ZFAND2A: variants seen among roughly 807,000 people sequenced by gnomAD.
ZFAND2A encodes zinc finger AN1-type containing 2A.
Under a neutral mutation model 11.6 loss-of-function variants are expected in ZFAND2A, and 20 were observed. That is an observed-to-expected ratio of 1.72 (90% CI 1.21 to 2.50). The LOEUF is 2.50. Ranked by LOEUF, ZFAND2A falls within the 30% of genes most tolerant of loss-of-function variation. ZFAND2A has a pLI of 0.00. For missense variants in ZFAND2A, 234 were observed against 182.9 expected (o/e 1.28, Z -1.61); for synonymous variants, 93 against 60.6 (o/e 1.54, Z -2.48).
rs1449265947 is a variant in ZFAND2A at position 1,158,253 on chromosome 7, G to A, written c.-41C>T. ...CAAAACGCAGATGGCGGAGTTAAGTGTCACCTACAAGAGAATCAGAATAGT... is the reference window on the plus strand; with the variant it reads ...CAAAACGCAGATGGCGGAGTTAAGTATCACCTACAAGAGAATCAGAATAGT... On this transcript the variant is annotated 5_prime_UTR_variant, in exon 2 of 5. Coordinates refer to ENST00000316495, the MANE Select transcript of ZFAND2A (RefSeq NM_182491.4). 1.9e-6 allele frequency: 3 copies of A among 1,587,150 alleles called. No individual in the cohort carries two copies. The highest frequency in any genetic ancestry group is 1.7e-5 in the Admixed American group (1 of 59,588).
At chr7:1,159,482 C>A (rs980548775) in intron 1 of ZFAND2A, among the ~76,000 whole-genome samples, 1 of 147,558 alleles carries the variant, frequency 6.8e-6, no homozygotes, top group African/African-American at 2.5e-5. Flanking sequence ...GGACCCCCAG[C>A]AGCCAGACCC....
At chr7:1,155,995 G>C (rs1267735618) in intron 3 of ZFAND2A, among the ~76,000 whole-genome samples, 1 of 152,224 alleles carries the variant, frequency 6.6e-6, no homozygotes, top group Non-Finnish European at 1.5e-5. Flanking sequence ...TGGCTTCTAC[G>C]TACACAGAGA....
chr7:1,159,097 CTA>C (rs1333165303), intron 1 of ZFAND2A, among the ~76,000 whole-genome samples: 3 of 151,906 alleles, frequency 2.0e-5, no homozygotes, highest in South Asian at 2.1e-4. Flanking sequence ...CCAGTTCCCT[CTA>C]TGTTACACGC....
At position 1,155,584 on chromosome 7, in the gene ZFAND2A, C is replaced by A. The variant is rs1211220393; in HGVS notation, c.151G>T (p.Asp51Tyr). Residue 51 changes from aspartate (D) to tyrosine (Y), a missense_variant and splice_region_variant, in exon 4 of 5, where the codon GAT becomes TAT. Coordinates refer to ENST00000316495, the MANE Select transcript of ZFAND2A (RefSeq NM_182491.4). ...AHKCPFAFQK[D>Y]VHVPVCPLCN... ...AGTGGGCATACTGGGACGTGAACAT[C>A]CTAAAAATAACAAAGGTAAGATGGC... The A allele has an allele frequency of 6.2e-7, 1 of 1,610,058 alleles. No individual in the cohort carries two copies. Among genetic ancestry groups the A allele is most frequent in the Non-Finnish European group, 8.5e-7 (1 of 1,178,556 alleles).
intron 4 of ZFAND2A, among the ~76,000 whole-genome samples, chr7:1,154,047 A>C (rs557283357): frequency 1.3e-5 from 2 of 152,242 alleles, no homozygotes; most frequent in South Asian, 4.1e-4. Context: ...GCAGCCAGGA[A>C]GCAGGGAGCG....
intron 1 of ZFAND2A, among the ~76,000 whole-genome samples, chr7:1,159,549 C>A (rs546793156): frequency 2.1e-5 from 2 of 96,964 alleles, no homozygotes; most frequent in Non-Finnish European, 4.3e-5. Context: ...CCCCGGCAGG[C>A]CCGGTCCCCA....
downstream of ZFAND2A, among the ~76,000 whole-genome samples, chr7:1,149,187 T>C (rs1265655133): frequency 6.6e-6 from 1 of 152,200 alleles, no homozygotes; most frequent in African/African-American, 2.4e-5. Context: ...GAACACCTGA[T>C]CTGCAGATTC....
chr7:1,150,137 CAA>C (rs901490357), downstream of ZFAND2A, among the ~76,000 whole-genome samples: 1 of 151,200 alleles, frequency 6.6e-6, no homozygotes, highest in Non-Finnish European at 1.5e-5. Flanking sequence ...AAAATAAAAG[CAA>C]AAAAGTTTGT....
chr7:1,153,542 T>TA (rs1554344784), intron 4 of ZFAND2A, among the ~76,000 whole-genome samples: 16 of 152,094 alleles, frequency 1.1e-4, no homozygotes, highest in Non-Finnish European at 2.4e-4. Flanking sequence ...GTGCTGGCCT[T>TA]AAATTCTTTA....
At chr7:1,153,366 G>A in intron 4 of ZFAND2A, 142 bp from the exon 5 acceptor site, 1 of 863,054 alleles carries the variant, frequency 1.2e-6, no homozygotes, top group South Asian at 1.7e-5. Flanking sequence ...TCCTGCTTCA[G>A]CCTAGTACCT....
At chr7:1,150,147 T>G (rs1479418114), downstream of ZFAND2A, among the ~76,000 whole-genome samples, 1 of 151,158 alleles carries the variant, frequency 6.6e-6, no homozygotes, top group African/African-American at 2.4e-5. Flanking sequence ...CAAAAAAGTT[T>G]GTCAGATTAA....
intron 3 of ZFAND2A, chr7:1,157,172 G>T (rs988242772): frequency 6.6e-5 from 10 of 152,374 alleles, no homozygotes; most frequent in African/African-American, 2.4e-4. Flanking sequence ...TCCTCTTTCA[G>T]TTTCTGCTGT....
At chr7:1,149,682 G>C (rs150523372), downstream of ZFAND2A, among the ~76,000 whole-genome samples, 227 of 152,308 alleles carry the variant, frequency 1.5e-3, 1 homozygote, top group African/African-American at 4.9e-3. Flanking sequence ...ATAGCCTGTG[G>C]CTCCCAGGCT....
chr7:1,158,095 C>T (rs1490347595), intron 2 of ZFAND2A, 63 bp downstream of exon 2: 2 of 1,506,176 alleles, frequency 1.3e-6, no homozygotes, highest in African/African-American at 1.4e-5. Context: ...AGCTAATTAA[C>T]AGAACAGCCA....
intron 2 of ZFAND2A, 47 bp downstream of exon 2, chr7:1,158,111 C>T: frequency 4.4e-6 from 7 of 1,574,064 alleles, no homozygotes; most frequent in Non-Finnish European, 6.1e-6. Flanking sequence ...AGCCAGCTTT[C>T]CCCCAACAAA....
intron 1 of ZFAND2A, among the ~76,000 whole-genome samples, chr7:1,158,826 CG>C (rs1227470286): frequency 2.0e-5 from 3 of 152,084 alleles, no homozygotes; most frequent in Non-Finnish European, 4.4e-5. Flanking sequence ...CTACCGCACT[CG>C]AGAGAGAATC....
intron 4 of ZFAND2A, among the ~76,000 whole-genome samples, chr7:1,154,028 C>G (rs913577682): frequency 1.6e-4 from 25 of 152,024 alleles, no homozygotes; most frequent in South Asian, 4.1e-4. Flanking sequence ...GGGAGGACAA[C>G]AGAGAGAGGC....
At chr7:1,149,107 TCA>T (rs1236150751), downstream of ZFAND2A, among the ~76,000 whole-genome samples, 3 of 152,128 alleles carry the variant, frequency 2.0e-5, no homozygotes, top group African/African-American at 4.8e-5. Context: ...TGGATACATC[TCA>T]GTTTGGACAT....
At chr7:1,154,950 TCTA>T (rs1179336612) in intron 4 of ZFAND2A, among the ~76,000 whole-genome samples, 1 of 152,100 alleles carries the variant, frequency 6.6e-6, no homozygotes, top group Non-Finnish European at 1.5e-5. Context: ...AAACCCTGTC[TCTA>T]CTAAAAATAC....
Sources: allele counts gnomAD v4.1 joint callset (sites outside exome capture counted in the v4.1 genomes callset), GRCh38; gene constraint gnomAD v4.1.1; transcripts MANE v1.5; gene names NCBI Gene and HGNC (gene_info 2026-07-23, HGNC 2026-07-21).